MLLT3: variants seen among roughly 807,000 people sequenced by gnomAD.
MLLT3 encodes the protein protein AF-9.
Under a neutral mutation model 53.2 loss-of-function variants are expected in MLLT3, and 4 were observed. The ratio of observed to expected loss-of-function variants is 0.08; its 90% CI spans 0.04 to 0.17. The LOEUF is 0.17. Ranked by LOEUF, MLLT3 falls within the 10% of genes least tolerant of loss-of-function variation. The probability of loss-of-function intolerance (pLI) is 1.00; values close to 1 mark genes in which losing one functional copy is unlikely to be tolerated. For missense variants in MLLT3, 569 were observed against 684.0 expected (o/e 0.83, Z 1.87); for synonymous variants, 283 against 230.6 (o/e 1.23, Z -2.06).
chr9:20,592,762 C>A (rs1431983949), intron 2 of MLLT3, among the ~76,000 whole-genome samples: 3 of 152,162 alleles, frequency 2.0e-5, no homozygotes, highest in Non-Finnish European at 4.4e-5. Flanking sequence ...TCAGGTCTAA[C>A]CAGATCCCTC....
intron 4 of MLLT3, among the ~76,000 whole-genome samples, chr9:20,447,015 A>G (rs79215248): frequency 0.063 from 9,603 of 152,210 alleles, 831 homozygotes; most frequent in African/African-American, 0.19. Flanking sequence ...TCATAATTCA[A>G]GTAAAAGGAC....
chr9:20,556,013 T>C (rs569562841), intron 2 of MLLT3, among the ~76,000 whole-genome samples: 48 of 152,302 alleles, frequency 3.2e-4, no homozygotes, highest in African/African-American at 1.1e-3. Flanking sequence ...TTTTTCATTT[T>C]TGACAAGTTT....
intron 2 of MLLT3, among the ~76,000 whole-genome samples, chr9:20,525,437 A>C (rs1465835278): frequency 6.6e-6 from 1 of 152,210 alleles, no homozygotes. Context: ...CGGAGGTTAC[A>C]GTGTGCTGAG....
At chr9:20,459,279 C>T (rs930738180) in intron 2 of MLLT3, among the ~76,000 whole-genome samples, 1 of 152,136 alleles carries the variant, frequency 6.6e-6, no homozygotes, top group Non-Finnish European at 1.5e-5. Flanking sequence ...TCTCACATGA[C>T]CTTATAAGTT....
At position 20,401,556 on chromosome 9, in the gene MLLT3, T is replaced by C. The variant is rs180849916; in HGVS notation, c.1125+12165A>G. Among the ~76,000 whole-genome samples, 67 of 152,314 alleles carry C rather than the reference T, an allele frequency of 4.4e-4. 1 individual carries two copies. Among genetic ancestry groups the C allele is most frequent in the African/African-American group, 1.6e-3 (65 of 41,580 alleles). The stretch of plus-strand genomic sequence containing the variant: ...TCCTGTCTTTGTGTTCCTCCATACT[T>C]TCCATATGCTTCTAACAACGTGGCA... On this transcript the variant is annotated intron_variant, in intron 5 of 10. Coordinates refer to ENST00000380338, the MANE Select transcript of MLLT3 (RefSeq NM_004529.4).
At chr9:20,482,777 GTATA>G (rs1302629742) in intron 2 of MLLT3, among the ~76,000 whole-genome samples, 3 of 152,136 alleles carry the variant, frequency 2.0e-5, no homozygotes, top group Non-Finnish European at 4.4e-5. Flanking sequence ...TCAAATGAGT[GTATA>G]TTTATTTCTT....
chr9:20,391,221 T>C (rs1822171491), intron 5 of MLLT3, among the ~76,000 whole-genome samples: 1 of 152,168 alleles, frequency 6.6e-6, no homozygotes. Flanking sequence ...CATCAATCAA[T>C]CATTTTGTAG....
chr9:20,420,755 T>C (rs563333446), intron 4 of MLLT3, among the ~76,000 whole-genome samples: 1 of 152,308 alleles, frequency 6.6e-6, no homozygotes, highest in Non-Finnish European at 1.5e-5. Flanking sequence ...CGCAGGTTTG[T>C]TACATATGTA....
At chr9:20,478,714 AC>A (rs1471256868) in intron 2 of MLLT3, among the ~76,000 whole-genome samples, 2 of 152,102 alleles carry the variant, frequency 1.3e-5, no homozygotes, top group Middle Eastern at 3.2e-3. Context: ...AATAGCTATG[AC>A]CCGGGGCAAG....
At chr9:20,400,700 T>C (rs543859431) in intron 5 of MLLT3, among the ~76,000 whole-genome samples, 1 of 152,114 alleles carries the variant, frequency 6.6e-6, no homozygotes, top group South Asian at 2.1e-4. Flanking sequence ...GTATTTCATG[T>C]ATACTTGAAA....
chr9:20,620,634 C>G lies in MLLT3; in HGVS notation c.193+20G>C. On this transcript the variant is annotated intron_variant, in intron 2 of 10. Coordinates refer to ENST00000380338, the MANE Select transcript of MLLT3 (RefSeq NM_004529.4). The surrounding 1 kb of genome is among the most constrained non-coding windows in gnomAD (Gnocchi z 6.1). ...TTCAAAGACATTTTTTATCAAGACCCTTTTGTATTCGAGCCCTACCTCTTT... is the reference window on the plus strand; with the variant it reads ...TTCAAAGACATTTTTTATCAAGACCGTTTTGTATTCGAGCCCTACCTCTTT... 1.2e-6 allele frequency: 2 copies of G among 1,609,536 alleles called. No individual in the cohort carries two copies. Among genetic ancestry groups the G allele is most frequent in the Non-Finnish European group, 1.7e-6 (2 of 1,176,870 alleles).
intron 2 of MLLT3, among the ~76,000 whole-genome samples, chr9:20,501,125 C>T (rs917768538): frequency 6.6e-6 from 1 of 152,144 alleles, no homozygotes; most frequent in African/African-American, 2.4e-5. Flanking sequence ...GTTAAAATGC[C>T]TAGGAATTAC....
intron 2 of MLLT3, among the ~76,000 whole-genome samples, chr9:20,559,193 C>T (rs1416919993): frequency 1.3e-5 from 2 of 152,076 alleles, no homozygotes; most frequent in East Asian, 1.9e-4. Context: ...CTTTATAATA[C>T]GATTCCATTT....
chr9:20,459,161 G>T (rs1204181919), intron 2 of MLLT3, among the ~76,000 whole-genome samples: 1 of 152,124 alleles, frequency 6.6e-6, no homozygotes, highest in African/African-American at 2.4e-5. Flanking sequence ...CTGGAAATTG[G>T]TTAGACATTC....
intron 2 of MLLT3, among the ~76,000 whole-genome samples, chr9:20,582,116 G>C (rs184865526): frequency 1.2e-4 from 19 of 152,216 alleles, no homozygotes; most frequent in South Asian, 6.2e-4. Context: ...AGAAAGTACA[G>C]AGAGTTCTTA....
At chr9:20,552,004 T>A (rs1818937084) in intron 2 of MLLT3, among the ~76,000 whole-genome samples, 1 of 152,192 alleles carries the variant, frequency 6.6e-6, no homozygotes, top group South Asian at 2.1e-4. Flanking sequence ...AGTTGCCAAG[T>A]CATCAGATCC....
At chr9:20,398,418 G>T (rs1482073661) in intron 5 of MLLT3, among the ~76,000 whole-genome samples, 3 of 152,084 alleles carry the variant, frequency 2.0e-5, no homozygotes, top group East Asian at 3.8e-4. Flanking sequence ...AGATGTGATG[G>T]TTTAATAAAT....
At chr9:20,376,289 T>C (rs1214434572) in intron 5 of MLLT3, among the ~76,000 whole-genome samples, 1 of 152,190 alleles carries the variant, frequency 6.6e-6, no homozygotes, top group Non-Finnish European at 1.5e-5. Context: ...ATGAATTTGA[T>C]GTTAGATTAG....
At chr9:20,393,241 T>C (rs980616112) in intron 5 of MLLT3, among the ~76,000 whole-genome samples, 5 of 152,168 alleles carry the variant, frequency 3.3e-5, no homozygotes, top group African/African-American at 1.2e-4. Flanking sequence ...TTGTTAGGTA[T>C]AATAACCAGG....
Sources: gnomAD v4.1 joint callset for allele counts (sites outside exome capture counted in the v4.1 genomes callset) on GRCh38, gnomAD v4.1.1 for gene constraint, Gnocchi (gnomAD v3.1) non-coding constraint, MANE v1.5 for transcripts, NCBI Gene and HGNC (gene_info 2026-07-23, HGNC 2026-07-21) for gene names.